The following C19orf38 variants were observed in gnomAD, a reference collection of about 807,000 sequenced individuals.
C19orf38 encodes the protein protein HIDE1.
C19orf38 carries 14 observed loss-of-function variants against 26.6 expected under a neutral mutation model. The ratio of observed to expected loss-of-function variants is 0.53; its 90% CI spans 0.35 to 0.82. The LOEUF (loss-of-function observed/expected upper bound fraction) is 0.82, where lower values mean the gene tolerates loss of function less well. Ranked by LOEUF, C19orf38 falls within the 40% of genes least tolerant of loss-of-function variation. The pLI is 0.01. For missense variants in C19orf38, 261 were observed against 299.5 expected, an observed-to-expected ratio of 0.87 and a Z score of 0.95; for synonymous variants, 132 against 128.5, an observed-to-expected ratio of 1.03 and a Z score of -0.18.
chr19:10,857,366 A>ATATATATATATTTTTT (rs1433358051), intron 3 of C19orf38, among the ~76,000 whole-genome samples: 1 of 56,080 alleles, frequency 1.8e-5, no homozygotes, highest in African/African-American at 1.7e-4. Context: ...ATATATATAT[A>ATATATATATATTTTTT]TTTTTTTTTT....
intron 6 of C19orf38, among the ~76,000 whole-genome samples, chr19:10,868,312 G>T (rs1384524705): frequency 6.6e-6 from 1 of 152,158 alleles, no homozygotes; most frequent in African/African-American, 2.4e-5. Context: ...TGGGCCTAGG[G>T]TCACCCAGCT....
chr19:10,857,364 A>ATTTTTTTTT (rs1484640109), intron 3 of C19orf38, among the ~76,000 whole-genome samples: 4 of 78,168 alleles, frequency 5.1e-5, no homozygotes, highest in African/African-American at 4.2e-4. Flanking sequence ...ATATATATAT[A>ATTTTTTTTT]TATTTTTTTT....
chr19:10,841,939 C>T (rs943088608), intron 1 of C19orf38: 16 of 1,608,646 alleles, frequency 9.9e-6, no homozygotes, highest in East Asian at 2.2e-5. Flanking sequence ...GGATTTGTCA[C>T]GAATGGGAAG....
chr19:10,861,480 G>A (rs2073698073), intron 5 of C19orf38, among the ~76,000 whole-genome samples: 1 of 152,214 alleles, frequency 6.6e-6, no homozygotes, highest in Non-Finnish European at 1.5e-5. Flanking sequence ...CAAGACAGAT[G>A]TGCTGTCTGT....
chr19:10,846,292 G>A (rs946183762), upstream of C19orf38, among the ~76,000 whole-genome samples: 2 of 151,760 alleles, frequency 1.3e-5, no homozygotes, highest in African/African-American at 4.8e-5. Context: ...TCCTTCCCGG[G>A]TTCACGCCAT....
chr19:10,867,210 C>G (rs1331276335), intron 6 of C19orf38, among the ~76,000 whole-genome samples: 1 of 152,036 alleles, frequency 6.6e-6, no homozygotes, highest in Non-Finnish European at 1.5e-5. Context: ...CTGGACATCT[C>G]ATGGATATGA....
chr19:10,848,712 G>A (rs909194583), intron 1 of C19orf38, among the ~76,000 whole-genome samples, 173 bp downstream of exon 1: 1 of 152,144 alleles, frequency 6.6e-6, no homozygotes, highest in Non-Finnish European at 1.5e-5. Flanking sequence ...CTCCAGTAGT[G>A]TTGGTTTTTT....
upstream of C19orf38, among the ~76,000 whole-genome samples, chr19:10,845,796 G>A (rs943811641): frequency 7.3e-5 from 11 of 150,390 alleles, no homozygotes; most frequent in South Asian, 2.1e-4. Flanking sequence ...GGAGAATGGC[G>A]TGAACCTGGG....
chr19:10,859,372 ATATATATATATATTT>A (rs1176207899), intron 4 of C19orf38, among the ~76,000 whole-genome samples: 2,950 of 54,874 alleles, frequency 0.054, 252 homozygotes, highest in East Asian at 0.44. Context: ...ATATATATAT[ATATATATATATATTT>A]TTTTTTTTTT....
rs2073625703 is a variant in C19orf38, at chr19:10,856,370, A to G, written c.433+13A>G. 6.5e-7 allele frequency: 1 copy of G among 1,547,178 alleles called. No individual in the cohort carries two copies. The highest frequency in any genetic ancestry group is 1.2e-5 in the South Asian group (1 of 83,988). ...GTGGTCAGAAAAGGTAACAGCACGC[A>G]AAGCCTGGCACACAAGTTGCCAGTT... On this transcript the variant is annotated intron_variant, in intron 3 of 6. Transcript: ENST00000397820.
intron 3 of C19orf38, among the ~76,000 whole-genome samples, 191 bp downstream of exon 3, chr19:10,856,548 G>A (rs2073627960): frequency 6.6e-6 from 1 of 152,102 alleles, no homozygotes; most frequent in African/African-American, 2.4e-5. Flanking sequence ...CTGTCGCCCA[G>A]GCTGGAGTGC....
In C19orf38 at chr19:10,850,422, G is replaced by A. The variant is rs555850116; in HGVS notation, c.195G>A (p.Thr65=). 3.2e-4 allele frequency: 491 copies of A among 1,550,894 alleles called. 5 individuals are homozygous for A. The South Asian group carries it at 3.7e-3, about 12-fold the overall frequency. The part of the protein sequence containing the change: ...GQVVQLLQAP[T]DQRGVTFNLS... ...TGGTCCAGCTCCTGCAGGCCCCCACGGACCAGCGCGGGGTGACATTTAACC... is the reference window on the plus strand; with the variant it reads ...TGGTCCAGCTCCTGCAGGCCCCCACAGACCAGCGCGGGGTGACATTTAACC... Residue 65 remains threonine (T), a synonymous_variant, in exon 2 of 7, where the codon ACG becomes ACA. Coordinates refer to ENST00000397820, the MANE Select transcript of C19orf38 (RefSeq NM_001136482.3).
intron 1 of C19orf38, 78 bp from the exon 2 acceptor site, chr19:10,850,181 C>G: frequency 7.3e-7 from 1 of 1,365,896 alleles, no homozygotes; most frequent in Non-Finnish European, 9.8e-7. Flanking sequence ...GGAGGGTGGT[C>G]TACTTGCCCG....
chr19:10,865,221 A>G (rs1436695231), intron 6 of C19orf38, among the ~76,000 whole-genome samples: 1 of 152,020 alleles, frequency 6.6e-6, no homozygotes, highest in Non-Finnish European at 1.5e-5. Flanking sequence ...GCTTGATCTC[A>G]CTGCAACCTC....
At chr19:10,844,317 C>T (rs908760937), upstream of C19orf38, among the ~76,000 whole-genome samples, 2 of 151,342 alleles carry the variant, frequency 1.3e-5, no homozygotes, top group Admixed American at 1.3e-4. Flanking sequence ...GCAGGAGAAT[C>T]GCTTGAACCC....
Position 10,850,295 on chromosome 19 carries a change from T to C in C19orf38, c.68T>C (p.Val23Ala). 6.4e-7 allele frequency: 1 copy of C among 1,550,768 alleles called. No homozygotes were observed. The highest frequency in any genetic ancestry group is 1.2e-5 in the South Asian group (1 of 84,016). ...LAIPAPSIRL[V>A]PPYPSSQEDP... is the part of the protein sequence containing the mutation. ...ATCCCAGCACCATCCATCCGGCTGGTGCCCCCGTACCCAAGCAGCCAAGAG... is the reference window on the plus strand; with the variant it reads ...ATCCCAGCACCATCCATCCGGCTGGCGCCCCCGTACCCAAGCAGCCAAGAG... Residue 23 changes from valine (V) to alanine (A), a missense_variant, in exon 2 of 7, where the codon GTG becomes GCG. By Grantham distance (64) the Val-to-Ala change is moderately conservative. Coordinates refer to ENST00000397820, the MANE Select transcript of C19orf38 (RefSeq NM_001136482.3).
At position 10,869,222 on chromosome 19, in the gene C19orf38, C is replaced by T; in HGVS notation, c.548C>T (p.Thr183Met). The change falls in exon 7 of 7, where the codon ACG (threonine) becomes ATG (methionine). Residue 183 changes from threonine to methionine, a missense_variant. Thr to Met is a moderately conservative substitution (Grantham distance 81). Coordinates refer to ENST00000397820, the MANE Select transcript of C19orf38 (RefSeq NM_001136482.3). ...DNSLFTVSAK[T>M]MPEEDPATLD... The stretch of plus-strand genomic sequence containing the variant: ...TTTCTTCTTACATGGACAAAGAAAA[C>T]GATGCCAGAAGAAGACCCGGCCACC... 6 of 1,551,594 alleles carry T rather than the reference C, an allele frequency of 3.9e-6. No individual in the cohort carries two copies. The highest frequency in any genetic ancestry group is 1.2e-5 in the South Asian group (1 of 84,058).
At chr19:10,866,436 C>T (rs1192973473) in intron 6 of C19orf38, among the ~76,000 whole-genome samples, 1 of 147,442 alleles carries the variant, frequency 6.8e-6, no homozygotes, top group African/African-American at 2.5e-5. Context: ...GAACTCCTGA[C>T]CTCAAATGAT....
Position 10,863,191 on chromosome 19 carries a change from T to C in C19orf38, c.527T>C (p.Leu176Pro). The C allele has an allele frequency of 6.4e-7, 1 of 1,551,536 alleles. No individual in the cohort carries two copies. The highest frequency in any genetic ancestry group is 8.7e-7 in the Non-Finnish European group (1 of 1,146,886). ...TCAGACATGTCCTTCGATAACTCCCTGTTTACCGTCTCCGCGGTGAGTGGT... is the reference window on the plus strand; with the variant it reads ...TCAGACATGTCCTTCGATAACTCCCCGTTTACCGTCTCCGCGGTGAGTGGT... ...DSTDMSFDNS[L>P]FTVSAKTMPE... Residue 176 changes from leucine to proline, a missense_variant, in exon 6 of 7, where the codon CTG becomes CCG. Leu to Pro is a moderately conservative substitution (Grantham distance 98). Transcript: ENST00000397820.
Sources: gnomAD v4.1 joint callset for allele counts (sites outside exome capture counted in the v4.1 genomes callset) on GRCh38, gnomAD v4.1.1 for gene constraint, MANE v1.5 for transcripts, NCBI Gene and HGNC (gene_info 2026-07-23, HGNC 2026-07-21) for gene names.